PMM2: variants seen among roughly 807,000 people sequenced by gnomAD.
PMM2 encodes the protein mannose-6-phosphate isomerase.
PMM2 carries 35 observed loss-of-function variants against 33.2 expected under a neutral mutation model. The observed-to-expected ratio is 1.06, with a 90% CI of 0.81 to 1.40. The LOEUF (loss-of-function observed/expected upper bound fraction) is 1.40. Among genes scored for constraint, PMM2 ranks in the 40% most tolerant of loss-of-function variants. The probability of loss-of-function intolerance (pLI) is 0.00; values close to 1 mark genes in which losing one functional copy is unlikely to be tolerated. For synonymous variants in PMM2, 153 were observed against 114.7 expected, an observed-to-expected ratio of 1.33 and a Z score of -2.13; for missense variants, 386 against 306.0, an observed-to-expected ratio of 1.26 and a Z score of -1.95.
chr16:8,848,134 C>A lies in PMM2; in HGVS notation c.*309C>A, dbSNP rs1366002806. On this transcript the variant is annotated 3_prime_UTR_variant, in exon 8 of 8. Coordinates refer to ENST00000268261, the MANE Select transcript of PMM2 (RefSeq NM_000303.3). ...CATGTAGTTTTGGCGGAAATTTCCC[C>A]ATCATTCTAGGATGATACAGAAAGA... The A allele has an allele frequency of 5.3e-6, 2 of 378,402 alleles. No homozygotes were observed. Among genetic ancestry groups the A allele is most frequent in the Non-Finnish European group, 1.0e-5 (2 of 198,162 alleles). 23.4% of individuals were successfully genotyped at this position (378,402 alleles called of 1,614,324 possible). A position where few individuals can be genotyped will look rare whatever the true frequency, so the allele number is the denominator to read the frequency against.
intron 7 of PMM2, among the ~76,000 whole-genome samples, chr16:8,836,297 G>C (rs920048046): frequency 6.6e-6 from 1 of 152,002 alleles, no homozygotes; most frequent in African/African-American, 2.4e-5. Flanking sequence ...CTGCTAAGCC[G>C]AGATCTGGGA....
chr16:8,821,290 C>T (rs1024911358), intron 7 of PMM2, among the ~76,000 whole-genome samples: 3 of 152,170 alleles, frequency 2.0e-5, no homozygotes, highest in African/African-American at 7.2e-5. Flanking sequence ...CCCACCCGCT[C>T]CTGTGTGGGA....
At chr16:8,841,829 C>T (rs1029713514) in intron 7 of PMM2, among the ~76,000 whole-genome samples, 5 of 140,160 alleles carry the variant, frequency 3.6e-5, no homozygotes, top group African/African-American at 1.3e-4. Context: ...GGGCCAGGAA[C>T]AATGGTAATT....
intron 7 of PMM2, among the ~76,000 whole-genome samples, chr16:8,839,951 G>C (rs1402211130): frequency 1.3e-5 from 2 of 148,492 alleles, no homozygotes; most frequent in African/African-American, 2.5e-5. Context: ...GTCTGGGGAA[G>C]TCTTGCTGGA....
chr16:8,848,954 C>T lies in PMM2; in HGVS notation c.*1129C>T, dbSNP rs1385508627. ...GGTGGAAGAGAACTTTCCTAGGAAA[C>T]GGTTCATGTGTCACTTTTCAGGATG... On this transcript the variant is annotated 3_prime_UTR_variant, in exon 8 of 8. Coordinates refer to ENST00000268261, the MANE Select transcript of PMM2 (RefSeq NM_000303.3). 2.0e-5 allele frequency: 3 copies of T among 152,356 alleles called. No homozygotes were observed. The highest frequency in any genetic ancestry group is 1.9e-4 in the East Asian group (1 of 5,184). 9.4% of individuals were successfully genotyped at this position (152,356 alleles called of 1,614,324 possible).
intron 7 of PMM2, among the ~76,000 whole-genome samples, chr16:8,823,967 T>C (rs1043866889): frequency 5.9e-5 from 9 of 152,236 alleles, no homozygotes; most frequent in African/African-American, 1.9e-4. Flanking sequence ...GCATCTCTAA[T>C]TGTATCCTAT....
In PMM2 at chr16:8,848,195, G is replaced by C; in HGVS notation, c.*370G>C. 3.9e-6 allele frequency: 1 copy of C among 259,540 alleles called. No individual in the cohort carries two copies. The highest frequency in any genetic ancestry group is 7.7e-6 in the Non-Finnish European group (1 of 130,410). 16.1% of individuals were successfully genotyped at this position (259,540 alleles called of 1,614,324 possible). A position where few individuals can be genotyped will look rare whatever the true frequency, so the allele number is the denominator to read the frequency against. On this transcript the variant is annotated 3_prime_UTR_variant, in exon 8 of 8. Transcript: ENST00000268261. ...CTGGACCCTCCCTCTTGGTGGGTCT[G>C]TGGAAACATAAGCGGTTTTTTTAAT...
At chr16:8,802,142 A>T (rs1017324711) in intron 2 of PMM2, 1 of 523,920 alleles carries the variant, frequency 1.9e-6, no homozygotes, top group Non-Finnish European at 3.7e-6. Flanking sequence ...ATTCACCTAG[A>T]AAGGTCAGTG....
chr16:8,847,756 C>G lies in PMM2; in HGVS notation c.672C>G (p.Pro224=). The G allele has an allele frequency of 6.2e-7, 1 of 1,614,054 alleles. No homozygotes were observed. Among genetic ancestry groups the G allele is most frequent in the Non-Finnish European group, 8.5e-7 (1 of 1,179,932 alleles). The change falls in exon 8 of 8, where the codon CCC becomes CCG. Residue 224 remains proline, a synonymous_variant. Coordinates refer to ENST00000268261, the MANE Select transcript of PMM2 (RefSeq NM_000303.3). ...GGNDHEIFTD[P]RTMGYSVTAP... ...ATGACCATGAGATCTTCACAGACCC[C>G]AGAACCATGGGCTACTCCGTGACAG... is the stretch of plus-strand genomic sequence containing the variant.
chr16:8,806,115 C>G (rs1291808354), intron 3 of PMM2, among the ~76,000 whole-genome samples: 1 of 152,170 alleles, frequency 6.6e-6, no homozygotes, highest in Non-Finnish European at 1.5e-5. Flanking sequence ...ATGCTTTTGA[C>G]TAAAGCTTTT....
chr16:8,826,304 A>G (rs2060767558), intron 7 of PMM2, among the ~76,000 whole-genome samples: 1 of 152,178 alleles, frequency 6.6e-6, no homozygotes, highest in Non-Finnish European at 1.5e-5. Flanking sequence ...TTTTAAAAAA[A>G]CCCATATTCC....
chr16:8,819,843 C>G (rs1181315618), intron 7 of PMM2, among the ~76,000 whole-genome samples: 2 of 152,202 alleles, frequency 1.3e-5, no homozygotes, highest in East Asian at 3.8e-4. Flanking sequence ...AGCATCCTCC[C>G]TCTTACAGAG....
intron 2 of PMM2, among the ~76,000 whole-genome samples, chr16:8,802,997 T>C (rs1379998490): frequency 6.6e-6 from 1 of 152,164 alleles, no homozygotes; most frequent in Non-Finnish European, 1.5e-5. Flanking sequence ...ATGAAGGCTG[T>C]CCTGTGCATT....
chr16:8,827,968 TA>T (rs1324819688), intron 7 of PMM2, among the ~76,000 whole-genome samples: 33 of 128,290 alleles, frequency 2.6e-4, no homozygotes, highest in Admixed American at 7.7e-4. Flanking sequence ...TAAATTTATA[TA>T]TATATATAAA....
intron 7 of PMM2, among the ~76,000 whole-genome samples, chr16:8,815,218 C>CTTTTTTTTTTTTTTTTTTTTTTT (rs59339190): frequency 7.2e-6 from 1 of 138,504 alleles, no homozygotes; most frequent in Non-Finnish European, 1.5e-5. Flanking sequence ...TATTTTCTTT[C>CTTTTTTTTTTTTTTTTTTTTTTT]TTTTTTTTTT....
In PMM2 at chr16:8,828,259, G is replaced by A. The variant is rs535857489; in HGVS notation, c.639+15153G>A. Among the ~76,000 whole-genome samples the A allele has an allele frequency of 1.1e-4, 16 of 151,716 alleles. No individual in the cohort carries two copies. In the South Asian group the frequency reaches 2.9e-3, roughly 28 times the overall value. ...TACAAGATTTAGAATCTCCCCAAAC[G>A]TAGTTTAGAGAAAAGAAAATTTAAG... is the stretch of plus-strand genomic sequence containing the variant. On this transcript the variant is annotated intron_variant, in intron 7 of 7. Coordinates refer to ENST00000268261, the MANE Select transcript of PMM2 (RefSeq NM_000303.3).
intron 1 of PMM2, among the ~76,000 whole-genome samples, chr16:8,801,210 T>C (rs1203364213): frequency 1.3e-5 from 2 of 152,228 alleles, no homozygotes; most frequent in Non-Finnish European, 1.5e-5. Flanking sequence ...TAGATGGGTA[T>C]ATAAATGCAT....
chr16:8,821,201 G>A (rs2060737500), intron 7 of PMM2, among the ~76,000 whole-genome samples: 1 of 152,194 alleles, frequency 6.6e-6, no homozygotes, highest in Non-Finnish European at 1.5e-5. Context: ...GGGACCCTGA[G>A]TGAATTGCCG....
chr16:8,807,027 C>T (rs1208869740), intron 4 of PMM2: 2 of 154,946 alleles, frequency 1.3e-5, no homozygotes, highest in Non-Finnish European at 1.4e-5. Flanking sequence ...CCGAGTCTCA[C>T]TCTGTGGCCG....
Sources: allele counts gnomAD v4.1 joint callset (sites outside exome capture counted in the v4.1 genomes callset), GRCh38; gene constraint gnomAD v4.1.1; transcripts MANE v1.5; gene names NCBI Gene and HGNC (gene_info 2026-07-23, HGNC 2026-07-21).